Variants in CD44 observed in about 807,000 individuals in gnomAD.
The protein encoded by CD44 is CD44 molecule (IN blood group), also known as CD44 antigen.
A neutral mutation model predicts 88.8 loss-of-function variants in CD44; 49 were observed. The ratio of observed to expected loss-of-function variants is 0.55; its 90% CI spans 0.44 to 0.70. The LOEUF (loss-of-function observed/expected upper bound fraction) is 0.70. Among genes scored for constraint, CD44 ranks in the 30% least tolerant of loss-of-function variants. The pLI, the probability that CD44 is intolerant of heterozygous loss-of-function variation, is 0.00. For synonymous variants in CD44, 325 were observed against 312.3 expected, an observed-to-expected ratio of 1.04 and a Z score of -0.43; for missense variants, 883 against 913.8, an observed-to-expected ratio of 0.97 and a Z score of 0.43.
At chr11:35,166,341 C>T (rs1943258272) in intron 1 of CD44, among the ~76,000 whole-genome samples, 1 of 151,894 alleles carries the variant, frequency 6.6e-6, no homozygotes, top group Admixed American at 6.5e-5. Context: ...AGTTCTGGGA[C>T]ATATACTTTC....
rs542702649 is a variant in CD44 at position 35,175,439 on chromosome 11, TGTGA to T, written c.68-1133_68-1130del. Among the ~76,000 whole-genome samples the T allele has an allele frequency of 1.7e-3, 261 of 152,282 alleles. 4 individuals are homozygous for T. Among genetic ancestry groups the T allele is most frequent in the Admixed American group, 3.9e-4 (6 of 15,298 alleles). ...ACCATTTCAATTATGCAAGCATATG[TGTGA>T]GTATGTATATTTGTGTGTATGTGTG... is the stretch of plus-strand genomic sequence containing the variant. On this transcript the variant is annotated intron_variant, in intron 1 of 17. Transcript: ENST00000428726.
chr11:35,181,360 C>T (rs1944970491), intron 3 of CD44, among the ~76,000 whole-genome samples: 1 of 152,042 alleles, frequency 6.6e-6, no homozygotes, highest in Admixed American at 6.6e-5. Context: ...GGCTTATGAG[C>T]CTTATTCAAG....
At chr11:35,144,036 G>A (rs1858556846) in intron 1 of CD44, among the ~76,000 whole-genome samples, 1 of 152,238 alleles carries the variant, frequency 6.6e-6, no homozygotes, top group Non-Finnish European at 1.5e-5. Flanking sequence ...CTGGGTAGGA[G>A]GCTGACATGG....
intron 1 of CD44, among the ~76,000 whole-genome samples, chr11:35,150,116 A>G (rs577039717): frequency 6.6e-6 from 1 of 152,196 alleles, no homozygotes; most frequent in Non-Finnish European, 1.5e-5. Flanking sequence ...TCTGAAGAAG[A>G]GAAAAATTGT....
At chr11:35,186,751 A>T in intron 3 of CD44, 81 bp from the exon 4 acceptor site, 1 of 823,024 alleles carries the variant, frequency 1.2e-6, no homozygotes, top group Non-Finnish European at 2.1e-6. Flanking sequence ...GTAAAACTCC[A>T]TTCTAACTGA....
intron 1 of CD44, among the ~76,000 whole-genome samples, chr11:35,153,221 T>C (rs139245933): frequency 4.6e-5 from 7 of 152,250 alleles, no homozygotes; most frequent in South Asian, 2.1e-4. Flanking sequence ...GGACACTAAC[T>C]AAACAAGAAG....
At chr11:35,147,313 T>C (rs1345588696) in intron 1 of CD44, among the ~76,000 whole-genome samples, 3 of 152,182 alleles carry the variant, frequency 2.0e-5, no homozygotes, top group Non-Finnish European at 4.4e-5. Context: ...GAAAAGAGGC[T>C]GTCAGGAGTA....
At position 35,221,828 on chromosome 11, in the gene CD44, G is replaced by C. The variant is rs1009771175; in HGVS notation, c.2024+96G>C. On this transcript the variant is annotated intron_variant, in intron 17 of 17. Coordinates refer to ENST00000428726, the MANE Select transcript of CD44 (RefSeq NM_000610.4). ...GCTCAGAGCGTAGTCCCTGGAACCA[G>C]CAGCCTGGGTACCCTGGGAGTTTGT... 6 of 1,105,272 alleles carry C rather than the reference G, an allele frequency of 5.4e-6. No homozygotes were observed. The South Asian group carries it at 7.5e-5, about 14-fold the overall frequency. The allele number at this position is 1,105,272 out of a possible 1,614,324, so 68.5% of individuals were successfully genotyped here.
intron 2 of CD44, among the ~76,000 whole-genome samples, chr11:35,178,046 G>A (rs1207190684): frequency 1.3e-5 from 2 of 152,198 alleles, no homozygotes; most frequent in Non-Finnish European, 2.9e-5. Context: ...TATGAAAGGA[G>A]CAGAGAGAGG....
In CD44 at chr11:35,229,231, G is replaced by A. The variant is rs769483475; in HGVS notation, c.2127G>A (p.Met709Ile). ...LNGEASKSQE[M>I]VHLVNKESSE... ...GAGAGGCCAGCAAGTCTCAGGAAAT[G>A]GTGCATTTGGTGAACAAGGAGTCGT... Residue 709 changes from methionine to isoleucine, a missense_variant, in exon 18 of 18, where the codon ATG becomes ATA. Met to Ile is a conservative substitution (Grantham distance 10, BLOSUM62 1). Transcript: ENST00000428726. 1.1e-5 allele frequency: 18 copies of A among 1,614,048 alleles called. No homozygotes were observed. Among genetic ancestry groups the A allele is most frequent in the Non-Finnish European group, 1.4e-5 (17 of 1,179,920 alleles).
At chr11:35,221,371 A>G (rs974484437) in intron 16 of CD44, among the ~76,000 whole-genome samples, 2 of 152,250 alleles carry the variant, frequency 1.3e-5, no homozygotes, top group African/African-American at 4.8e-5. Flanking sequence ...CATCTACAAG[A>G]TTCAACAAGT....
chr11:35,209,761 A>T (rs547291338), intron 12 of CD44, among the ~76,000 whole-genome samples: 1 of 152,328 alleles, frequency 6.6e-6, no homozygotes, highest in South Asian at 2.1e-4. Context: ...ACTGAGAAAT[A>T]AAGGGTCTTC....
rs1947146742 is a variant in CD44 at position 35,199,945 on chromosome 11, T to TTG, written c.923-1136_923-1135insGT. Among the ~76,000 whole-genome samples, 8 of 149,196 alleles carry TTG rather than the reference T, an allele frequency of 5.4e-5. No homozygotes were observed. The South Asian group carries it at 1.7e-3, about 31-fold the overall frequency. ...TTTCCCATGGTGTTGTTTTTTTTTT[T>TTG]TTTTTTTTTTTTTTTTAATTTTTTA... On this transcript the variant is annotated intron_variant, in intron 7 of 17. Transcript: ENST00000428726.
Position 35,171,051 on chromosome 11 carries a change from A to G in CD44, c.68-5524A>G, listed in dbSNP as rs188778046. On this transcript the variant is annotated intron_variant, in intron 1 of 17. Transcript: ENST00000428726. ...AAGGATAAAATGAGTAAATAATTCT[A>G]AAGTGCCTAAAATAGAGCCTGGCAT... is the stretch of plus-strand genomic sequence containing the variant. Among the ~76,000 whole-genome samples the G allele has an allele frequency of 5.6e-4, 85 of 152,374 alleles. 1 individual carries two copies. The highest frequency in any genetic ancestry group is 4.0e-3 in the East Asian group (21 of 5,194).
At chr11:35,211,568 T>C in intron 14 of CD44, 119 bp downstream of exon 14, 2 of 678,236 alleles carry the variant, frequency 2.9e-6, no homozygotes, top group South Asian at 3.7e-5. Flanking sequence ...GATATGGAAA[T>C]ATCTTTCATT....
At chr11:35,214,294 A>AT (rs951453898) in intron 14 of CD44, among the ~76,000 whole-genome samples, 10 of 151,854 alleles carry the variant, frequency 6.6e-5, no homozygotes, top group African/African-American at 1.9e-4. Context: ...CTTATTTTCA[A>AT]TTTTTTTTGA....
intron 8 of CD44, 33 bp downstream of exon 8, chr11:35,201,228 T>G (rs1947291461): frequency 6.8e-7 from 1 of 1,466,600 alleles, no homozygotes; most frequent in Non-Finnish European, 9.6e-7. Context: ...TGAAAGATTT[T>G]TTTCCCCTCA....
chr11:35,229,477 T>C lies in CD44; in HGVS notation c.*144T>C. Reference sequence around the variant, plus strand: ...TAAAATTTTCTACTCTTTTTGTTTTTTGTGTTTTGTTCTTTAAAGTCAGGT... The same window carrying C: ...TAAAATTTTCTACTCTTTTTGTTTTCTGTGTTTTGTTCTTTAAAGTCAGGT... On this transcript the variant is annotated 3_prime_UTR_variant, in exon 18 of 18. Transcript: ENST00000428726. 1 of 605,432 alleles carries C rather than the reference T, an allele frequency of 1.7e-6. No individual in the cohort carries two copies. Among genetic ancestry groups the C allele is most frequent in the Non-Finnish European group, 2.9e-6 (1 of 348,016 alleles). 37.5% of individuals were successfully genotyped at this position (605,432 alleles called of 1,614,324 possible).
At chr11:35,177,183 A>T (rs79250895) in intron 2 of CD44, 15,050 of 152,758 alleles carry the variant, frequency 0.099, 862 homozygotes, top group African/African-American at 0.15. Context: ...CTTAAAAAAA[A>T]TTTTTTTTGG....
Sources: gnomAD v4.1 joint callset for allele counts (sites outside exome capture counted in the v4.1 genomes callset) on GRCh38, gnomAD v4.1.1 for gene constraint, MANE v1.5 for transcripts, NCBI Gene and HGNC (gene_info 2026-07-23, HGNC 2026-07-21) for gene names.